JADE3: variants seen among roughly 807,000 people sequenced by gnomAD.
The protein encoded by JADE3 is protein Jade-3.
A neutral mutation model predicts 50.1 loss-of-function variants in JADE3; 2 were observed. The observed-to-expected ratio is 0.04, with a 90% CI of 0.02 to 0.13. The LOEUF is 0.13. Ranked by LOEUF, JADE3 falls within the 10% of genes least tolerant of loss-of-function variation. The probability of loss-of-function intolerance (pLI) is 1.00; values close to 1 mark genes in which losing one functional copy is unlikely to be tolerated. For synonymous variants in JADE3, 218 were observed against 232.9 expected, an observed-to-expected ratio of 0.94 and a Z score of 0.58; for missense variants, 475 against 634.4, an observed-to-expected ratio of 0.75 and a Z score of 2.70.
intron 1 of JADE3, among the ~76,000 whole-genome samples, chrX:46,923,391 CTCTTTTTTTTT>C (rs1246531812): frequency 4.9e-5 from 1 of 20,277 alleles, no homozygotes; most frequent in Non-Finnish European, 1.6e-4. Context: ...CTCTCTCTCT[CTCTTTTTTTTT>C]TTTTTTTTTT....
intron 1 of JADE3, among the ~76,000 whole-genome samples, chrX:46,952,191 C>T (rs958486876): frequency 2.7e-4 from 30 of 112,139 alleles, no homozygotes; most frequent in African/African-American, 8.7e-4. Context: ...CTTTGTATAT[C>T]GCATAATTTT....
chrX:47,042,404 G>A (rs782653632), intron 8 of JADE3, among the ~76,000 whole-genome samples: 2 of 111,257 alleles, frequency 1.8e-5, no homozygotes, highest in South Asian at 3.8e-4. Flanking sequence ...CCCTATACCC[G>A]AATCTAGTAG....
At chrX:47,057,417 C>G (rs142821511) in intron 10 of JADE3, among the ~76,000 whole-genome samples, 1,194 of 111,231 alleles carry the variant, frequency 0.011, 3 homozygotes, top group Non-Finnish European at 0.014. Flanking sequence ...AGAAGAAGAC[C>G]TGCTCTGACT....
chrX:46,960,252 AATGTT>A (rs1191556845), intron 1 of JADE3, among the ~76,000 whole-genome samples: 1 of 109,878 alleles, frequency 9.1e-6, no homozygotes, highest in African/African-American at 3.3e-5. Context: ...AAAAAAAAAA[AATGTT>A]ATCATAGCAG....
intron 7 of JADE3, among the ~76,000 whole-genome samples, chrX:47,037,382 A>C (rs1377043311): frequency 8.9e-6 from 1 of 112,259 alleles, no homozygotes; most frequent in Non-Finnish European, 1.9e-5. Flanking sequence ...TTTTATCCTT[A>C]GTTGATTAAA....
chrX:46,983,188 C>T (rs782166185), intron 1 of JADE3, among the ~76,000 whole-genome samples: 2 of 112,147 alleles, frequency 1.8e-5, no homozygotes, highest in East Asian at 5.6e-4. Flanking sequence ...CTTCTGTACA[C>T]TCAGTTGCAA....
chrX:46,975,426 G>T (rs1927591509), intron 1 of JADE3, among the ~76,000 whole-genome samples: 1 of 112,063 alleles, frequency 8.9e-6, no homozygotes, highest in African/African-American at 3.2e-5. Flanking sequence ...TGCAACTAAT[G>T]TTAGTAAATT....
intron 1 of JADE3, among the ~76,000 whole-genome samples, chrX:46,934,620 A>G (rs891218273): frequency 9.2e-6 from 1 of 108,457 alleles, no homozygotes; most frequent in African/African-American, 3.4e-5. Context: ...TTTTTAGTAG[A>G]TGTGAGGTTT....
At chrX:46,992,972 A>T (rs1215954432) in intron 3 of JADE3, among the ~76,000 whole-genome samples, 1 of 111,068 alleles carries the variant, frequency 9.0e-6, no homozygotes, top group African/African-American at 3.3e-5. Context: ...CTGAGATAGT[A>T]GCCTTATCTG....
At chrX:47,019,333 A>G (rs782719703) in intron 4 of JADE3, among the ~76,000 whole-genome samples, 53 of 111,827 alleles carry the variant, frequency 4.7e-4, no homozygotes, top group African/African-American at 1.7e-3. Flanking sequence ...AACAAGGGTC[A>G]TCTTGGGAAA....
chrX:46,990,185 T>C (rs1321151912), intron 3 of JADE3, among the ~76,000 whole-genome samples: 1 of 111,986 alleles, frequency 8.9e-6, no homozygotes, highest in Non-Finnish European at 1.9e-5. Flanking sequence ...GATCTCAGTG[T>C]TGATGCCTGT....
At chrX:46,949,534 C>T (rs781965402) in intron 1 of JADE3, among the ~76,000 whole-genome samples, 3 of 111,742 alleles carry the variant, frequency 2.7e-5, no homozygotes, top group South Asian at 3.7e-4. Flanking sequence ...GAATTTTAGC[C>T]ATTTTGATGA....
chrX:46,998,365 T>C lies in JADE3; in HGVS notation c.284+88T>C, dbSNP rs112224058. 8.7e-4 allele frequency: 732 copies of C among 838,593 alleles called. 4 individuals are homozygous for C. The African/African-American group carries it at 0.012, about 14-fold the overall frequency. The allele number at this position is 838,593 out of a possible 1,213,427, so 69.1% of individuals were successfully genotyped here. A position where few individuals can be genotyped will look rare whatever the true frequency, so the allele number is the denominator to read the frequency against. On this transcript the variant is annotated intron_variant, in intron 4 of 10. Transcript: ENST00000614628. ...GGGAGAAACTTAGAGTGGCTAATTA[T>C]GCATTTATAGTACAAAGTCACATAC...
chrX:46,993,259 A>C (rs903613721), intron 3 of JADE3, among the ~76,000 whole-genome samples: 7 of 111,971 alleles, frequency 6.3e-5, no homozygotes, highest in African/African-American at 1.9e-4. Flanking sequence ...ACAGAATGAA[A>C]GCTCATATAT....
chrX:47,056,857 A>G (rs1041451146), intron 10 of JADE3, among the ~76,000 whole-genome samples: 1 of 112,067 alleles, frequency 8.9e-6, no homozygotes, highest in Admixed American at 9.5e-5. Flanking sequence ...CATTTAACAC[A>G]GAGGTCAATG....
intron 1 of JADE3, among the ~76,000 whole-genome samples, chrX:46,939,993 T>A (rs1406615506): frequency 8.9e-6 from 1 of 112,610 alleles, no homozygotes; most frequent in African/African-American, 3.2e-5. Context: ...TTGCCCATGG[T>A]TTATTTTACA....
At chrX:46,971,426 A>G (rs797033558) in intron 1 of JADE3, among the ~76,000 whole-genome samples, 1 of 109,310 alleles carries the variant, frequency 9.1e-6, no homozygotes, top group Non-Finnish European at 1.9e-5. Context: ...GAAATTTTTG[A>G]ATATATGTAC....
At chrX:46,914,608 C>T (rs185560691) in intron 1 of JADE3, among the ~76,000 whole-genome samples, 1 of 112,163 alleles carries the variant, frequency 8.9e-6, no homozygotes, top group African/African-American at 3.2e-5. Flanking sequence ...ACCATCTTTG[C>T]CACCTTTTCT....
chrX:46,919,095 C>T (rs1926166531), intron 1 of JADE3, among the ~76,000 whole-genome samples: 1 of 112,500 alleles, frequency 8.9e-6, no homozygotes, highest in African/African-American at 3.2e-5. Context: ...GTGATTGTGC[C>T]ATTGGTAACA....
Sources: gnomAD v4.1 joint callset for allele counts (sites outside exome capture counted in the v4.1 genomes callset) on GRCh38, gnomAD v4.1.1 for gene constraint, MANE v1.5 for transcripts, NCBI Gene and HGNC (gene_info 2026-07-23, HGNC 2026-07-21) for gene names.